CSMD2: variants seen among roughly 807,000 people sequenced by gnomAD.
CSMD2 encodes the protein CUB and Sushi multiple domains 2.
Under a neutral mutation model 398.5 loss-of-function variants are expected in CSMD2, and 130 were observed. That is an observed-to-expected ratio of 0.33 (90% confidence interval 0.28 to 0.38). The LOEUF (loss-of-function observed/expected upper bound fraction) is 0.38, where lower values mean the gene tolerates loss of function less well. Among genes scored for constraint, CSMD2 ranks in the 10% least tolerant of loss-of-function variants. CSMD2 has a pLI of 1.00. For missense variants in CSMD2, 3,829 were observed against 4,764.9 expected (o/e 0.80, Z 5.78); for synonymous variants, 1,828 against 1,908.5 (o/e 0.96, Z 1.10).
At position 33,724,234 on chromosome 1, in the gene CSMD2, C is replaced by A. The variant is rs370044378; in HGVS notation, c.2964G>T (p.Leu988Phe). The change falls in exon 19 of 71, where the codon TTG becomes TTT. Residue 988 changes from leucine (L) to phenylalanine (F), a missense_variant. Physicochemically the swap from Leu to Phe is conservative, Grantham distance 22. Coordinates refer to ENST00000373381, the MANE Select transcript of CSMD2 (RefSeq NM_001281956.2). The part of the protein sequence containing the change: ...PGFPDFYPNN[L>F]NCTWIIETSH... ...ATGTTTCGATAATCCAGGTGCAGTT[C>A]AAGTTGTTGGGGTAGAAGTCAGGGA... 2.2e-5 allele frequency: 36 copies of A among 1,613,792 alleles called. No individual in the cohort carries two copies. The highest frequency in any genetic ancestry group is 3.0e-5 in the Non-Finnish European group (35 of 1,179,900).
intron 5 of CSMD2, among the ~76,000 whole-genome samples, chr1:33,896,884 C>T (rs780407187): frequency 2.0e-5 from 3 of 151,736 alleles, no homozygotes; most frequent in Admixed American, 6.6e-5. Context: ...GGGGAAAGCA[C>T]GTGCAAAGGC....
At chr1:33,937,693 A>G (rs1383742376) in intron 3 of CSMD2, among the ~76,000 whole-genome samples, 1 of 152,226 alleles carries the variant, frequency 6.6e-6, no homozygotes, top group African/African-American at 2.4e-5. Context: ...TCTGGGTGTG[A>G]AACCAGGTGC....
At chr1:34,161,981 A>C (rs912785064) in intron 1 of CSMD2, among the ~76,000 whole-genome samples, 1 of 151,206 alleles carries the variant, frequency 6.6e-6, no homozygotes, top group Non-Finnish European at 1.5e-5. Flanking sequence ...GACCAGCCTG[A>C]CCAACATGGA....
At chr1:33,874,307 T>C (rs527978546) in intron 5 of CSMD2, among the ~76,000 whole-genome samples, 21 of 152,384 alleles carry the variant, frequency 1.4e-4, no homozygotes, top group Admixed American at 8.5e-4. Context: ...TGAAGCCATT[T>C]AATGCAATTA....
rs565851778 is a variant in CSMD2, at chr1:33,929,682, C to T, written c.712+6078G>A. 1.3e-4 allele frequency among the ~76,000 whole-genome samples: 20 copies of T among 152,042 alleles called. 1 individual carries two copies. Among genetic ancestry groups the T allele is most frequent in the Non-Finnish European group, 2.5e-4 (17 of 68,018 alleles). On this transcript the variant is annotated intron_variant, in intron 4 of 70. Coordinates refer to ENST00000373381, the MANE Select transcript of CSMD2 (RefSeq NM_001281956.2). ...CAAACTCCTGATCTCGCGATCTGCCCGCTTCAGCCTCCGCTTTCTTACCTT... is the reference window on the plus strand; with the variant it reads ...CAAACTCCTGATCTCGCGATCTGCCTGCTTCAGCCTCCGCTTTCTTACCTT...
intron 19 of CSMD2, among the ~76,000 whole-genome samples, chr1:33,722,683 ATT>A (rs11330386): frequency 6.9e-6 from 1 of 144,322 alleles, no homozygotes; most frequent in East Asian, 2.0e-4. Context: ...ACATGTTGCG[ATT>A]TTTTTTTTTC....
chr1:33,726,750 C>T, intron 15 of CSMD2, 65 bp from the exon 16 acceptor site: 1 of 1,508,482 alleles, frequency 6.6e-7, no homozygotes, highest in Admixed American at 2.0e-5. Flanking sequence ...AACAGAAAAT[C>T]TCTCTATAAA....
chr1:33,908,484 G>T (rs10429861), intron 5 of CSMD2, among the ~76,000 whole-genome samples: 16,767 of 152,318 alleles, frequency 0.11, 1,038 homozygotes, highest in East Asian at 0.22. Flanking sequence ...GGCACAGGCC[G>T]CCTCGCAGAT....
chr1:33,809,013 C>T (rs1016093031), intron 10 of CSMD2, among the ~76,000 whole-genome samples: 4 of 151,122 alleles, frequency 2.6e-5, no homozygotes, highest in Admixed American at 2.0e-4. Context: ...AATTCTCTAG[C>T]CATTACATGT....
chr1:33,982,870 A>G (rs778523517), intron 3 of CSMD2, among the ~76,000 whole-genome samples: 4 of 152,200 alleles, frequency 2.6e-5, no homozygotes, highest in Non-Finnish European at 5.9e-5. Flanking sequence ...TACATCCAAG[A>G]CATTTGGACC....
intron 3 of CSMD2, among the ~76,000 whole-genome samples, chr1:33,994,545 C>T (rs545361413): frequency 6.6e-6 from 1 of 152,164 alleles, no homozygotes; most frequent in South Asian, 2.1e-4. Context: ...AAGGATTGTA[C>T]TTATTTTTGT....
At chr1:33,594,661 T>A (rs1639718823) in intron 44 of CSMD2, among the ~76,000 whole-genome samples, 1 of 152,212 alleles carries the variant, frequency 6.6e-6, no homozygotes, top group South Asian at 2.1e-4. Context: ...TTATCTTCTA[T>A]CTTCTCTCTA....
At chr1:33,816,300 T>G (rs908709528) in intron 9 of CSMD2, among the ~76,000 whole-genome samples, 1 of 152,222 alleles carries the variant, frequency 6.6e-6, no homozygotes, top group African/African-American at 2.4e-5. Context: ...CATCTGGGCC[T>G]GGTACTCAGT....
chr1:34,118,289 T>TA (rs1387520508), intron 1 of CSMD2, among the ~76,000 whole-genome samples: 1 of 152,182 alleles, frequency 6.6e-6, no homozygotes, highest in East Asian at 1.9e-4. Context: ...AGACCATATA[T>TA]AAAAGGCCCA....
intron 2 of CSMD2, among the ~76,000 whole-genome samples, chr1:34,082,813 G>A (rs1657403848): frequency 6.6e-6 from 1 of 152,116 alleles, no homozygotes; most frequent in Admixed American, 6.5e-5. Flanking sequence ...TCCACTCAGG[G>A]TTAAATGGAT....
At chr1:34,014,191 G>T (rs898191741) in intron 3 of CSMD2, among the ~76,000 whole-genome samples, 3 of 152,162 alleles carry the variant, frequency 2.0e-5, no homozygotes, top group African/African-American at 7.2e-5. Context: ...CTTCTCACCT[G>T]CATTGCTGCA....
intron 3 of CSMD2, among the ~76,000 whole-genome samples, chr1:34,012,113 T>C (rs1647424309): frequency 1.3e-5 from 2 of 152,292 alleles, no homozygotes; most frequent in South Asian, 4.2e-4. Context: ...AGGAACTGTC[T>C]TGTGGCCCCA....
At chr1:33,577,860 G>T (rs1467548041) in intron 48 of CSMD2, among the ~76,000 whole-genome samples, 4 of 152,178 alleles carry the variant, frequency 2.6e-5, no homozygotes, top group Non-Finnish European at 4.4e-5. Flanking sequence ...GACTGCGGGG[G>T]TGTGGACTTT....
At chr1:33,706,091 C>T (rs1031394540) in intron 22 of CSMD2, among the ~76,000 whole-genome samples, 1 of 152,104 alleles carries the variant, frequency 6.6e-6, no homozygotes, top group Admixed American at 6.6e-5. Context: ...CTTTATTTAT[C>T]GTTAAGTTAG....
Sources: allele counts gnomAD v4.1 joint callset (sites outside exome capture counted in the v4.1 genomes callset), GRCh38; gene constraint gnomAD v4.1.1; transcripts MANE v1.5; gene names NCBI Gene and HGNC (gene_info 2026-07-23, HGNC 2026-07-21).